The following SPTA1 variants were observed in gnomAD, a reference collection of about 807,000 sequenced individuals.
SPTA1 encodes the protein spectrin alpha chain, erythrocytic 1.
In SPTA1, 177 loss-of-function variants were observed where a neutral mutation model predicts 324.7. The observed-to-expected ratio is 0.55, with a 90% confidence interval of 0.48 to 0.62. The LOEUF (loss-of-function observed/expected upper bound fraction) is 0.62, where lower values mean the gene tolerates loss of function less well. Ranked by LOEUF, SPTA1 falls within the 20% of genes least tolerant of loss-of-function variation. The pLI is 0.00. For missense variants in SPTA1, 3,162 were observed against 2,883.6 expected (o/e 1.10, Z -2.21); for synonymous variants, 1,195 against 1,041.3 (o/e 1.15, Z -2.84).
chr1:158,674,270 G>A, intron 10 of SPTA1, 59 bp downstream of exon 10: 1 of 1,442,996 alleles, frequency 6.9e-7, no homozygotes, highest in South Asian at 1.1e-5. Flanking sequence ...ATTATTGTGA[G>A]ATTATGTAAT....
intron 35 of SPTA1, chr1:158,639,326 A>G: frequency 1.9e-6 from 1 of 514,650 alleles, no homozygotes; most frequent in Non-Finnish European, 3.5e-6. Flanking sequence ...ATGCATCAGT[A>G]AAAGATAAAA....
intron 43 of SPTA1, chr1:158,620,717 G>A: frequency 2.4e-6 from 1 of 413,274 alleles, no homozygotes; most frequent in Non-Finnish European, 4.3e-6. Context: ...AAATGAGGGA[G>A]GTCGAATTAT....
chr1:158,632,021 T>C (rs978080367), intron 39 of SPTA1, among the ~76,000 whole-genome samples: 2 of 152,150 alleles, frequency 1.3e-5, no homozygotes, highest in African/African-American at 2.4e-5. Flanking sequence ...TTATTAACAA[T>C]AGCCAAGATA....
intron 51 of SPTA1, 36 bp from the exon 52 acceptor site, chr1:158,611,425 G>A (rs1356226855): frequency 2.5e-6 from 4 of 1,611,836 alleles, no homozygotes; most frequent in African/African-American, 1.3e-5. Flanking sequence ...ACAGTTATAG[G>A]GATTCAAAAT....
chr1:158,656,345 A>G (rs1412610876), intron 20 of SPTA1, among the ~76,000 whole-genome samples: 1 of 152,244 alleles, frequency 6.6e-6, no homozygotes, highest in African/African-American at 2.4e-5. Context: ...AAATACATCA[A>G]TGAAGACATG....
chr1:158,612,283 A>G (rs143816928), intron 51 of SPTA1: 27 of 181,762 alleles, frequency 1.5e-4, no homozygotes, highest in Admixed American at 1.2e-3. Context: ...TGTGTTAATC[A>G]TAGATGATAC....
At chr1:158,666,219 G>GCAA (rs1170045225) in intron 16 of SPTA1, 97 bp downstream of exon 16, 3 of 1,195,248 alleles carry the variant, frequency 2.5e-6, no homozygotes, top group African/African-American at 3.0e-5. Context: ...TACTTATTAA[G>GCAA]TAATTAATAA....
intron 40 of SPTA1, 68 bp downstream of exon 40, chr1:158,627,557 A>G: frequency 1.4e-6 from 2 of 1,444,344 alleles, no homozygotes; most frequent in Non-Finnish European, 1.9e-6. Flanking sequence ...TGATCTTAGC[A>G]TTTCTACATT....
At chr1:158,659,595 A>ATTATTTTTTTTTTTTTTT (rs1345384278) in intron 18 of SPTA1, among the ~76,000 whole-genome samples, 10 of 68,780 alleles carry the variant, frequency 1.5e-4, no homozygotes, top group Non-Finnish European at 3.3e-4. Context: ...TCTTAGCATT[A>ATTATTTTTTTTTTTTTTT]TTTTTTTTTT....
intron 4 of SPTA1, among the ~76,000 whole-genome samples, chr1:158,681,319 A>G (rs1654792018): frequency 1.3e-5 from 2 of 152,054 alleles, no homozygotes; most frequent in South Asian, 4.1e-4. Context: ...CCTTTTTCAT[A>G]TTCAGATCCA....
At chr1:158,619,666 C>T (rs1649785961) in intron 44 of SPTA1, among the ~76,000 whole-genome samples, 1 of 152,094 alleles carries the variant, frequency 6.6e-6, no homozygotes, top group South Asian at 2.1e-4. Flanking sequence ...CTTAAAGGGC[C>T]TGCTACCCTT....
intron 2 of SPTA1, 123 bp from the exon 3 acceptor site, chr1:158,683,619 T>C: frequency 7.8e-7 from 1 of 1,274,640 alleles, no homozygotes; most frequent in Non-Finnish European, 1.1e-6. Context: ...CCATAAAGAG[T>C]ATTTTCCTGT....
At position 158,653,323 on chromosome 1, in the gene SPTA1, G is replaced by C. The variant is rs762088983; in HGVS notation, c.3139C>G (p.Arg1047Gly). ...TGGGTGATGTTTCCTGGCTCTTCTC[G>C]TCGCCGCTGTGGGAGCATCGGGAAC... Reference protein sequence around the residue: ...DEFPMLPQRRREEPGNITQRQ... With the variant: ...DEFPMLPQRRGEEPGNITQRQ... The change falls in exon 22 of 52, where the codon CGA becomes GGA. Residue 1047 changes from arginine (R) to glycine (G), a missense_variant. Arg to Gly is a moderately radical substitution (Grantham distance 125). Transcript: ENST00000643759. 3.7e-5 allele frequency: 60 copies of C among 1,613,886 alleles called. No homozygotes were observed. Among genetic ancestry groups the C allele is most frequent in the Non-Finnish European group, 4.9e-5 (58 of 1,180,008 alleles).
intron 12 of SPTA1, among the ~76,000 whole-genome samples, chr1:158,670,187 T>C (rs906115103): frequency 2.6e-5 from 4 of 152,178 alleles, no homozygotes; most frequent in Admixed American, 2.0e-4. Context: ...TCTACCTCTA[T>C]CTCTATCTCC....
chr1:158,660,627 G>T (rs1653145005), intron 18 of SPTA1, among the ~76,000 whole-genome samples: 1 of 152,164 alleles, frequency 6.6e-6, no homozygotes, highest in Non-Finnish European at 1.5e-5. Flanking sequence ...GAATCACTCA[G>T]GTGGGATCTG....
chr1:158,633,339 G>C (rs1440502650), intron 39 of SPTA1, among the ~76,000 whole-genome samples: 1 of 152,106 alleles, frequency 6.6e-6, no homozygotes, highest in African/African-American at 2.4e-5. Flanking sequence ...ATCTGTCTGT[G>C]TTATTTCTTA....
chr1:158,685,354 G>A lies in SPTA1; in HGVS notation c.25-7C>T, dbSNP rs1236654583. ...GCCCACTGCTCTCCACAACCTGCAA[G>A]TTAAAAAGATTCTGTTACTTGCTAG... On this transcript the variant is annotated splice_polypyrimidine_tract_variant and splice_region_variant and intron_variant, in intron 1 of 51. Coordinates refer to ENST00000643759, the MANE Select transcript of SPTA1 (RefSeq NM_003126.4). The A allele has an allele frequency of 6.2e-7, 1 of 1,612,466 alleles. No individual in the cohort carries two copies. The highest frequency in any genetic ancestry group is 8.5e-7 in the Non-Finnish European group (1 of 1,179,716).
At position 158,652,607 on chromosome 1, in the gene SPTA1, A is replaced by G. The variant is rs546724293; in HGVS notation, c.3235T>C (p.Leu1079=). 1.2e-6 allele frequency: 2 copies of G among 1,614,130 alleles called. No individual in the cohort carries two copies. The highest frequency in any genetic ancestry group is 2.2e-5 in the East Asian group (1 of 44,858). The part of the protein sequence containing the change: ...DRAEERRRRL[L]QRYNEFLLAY... ...AATAAAAATTCATTATAACGTTGCA[A>G]TAGACGACGTCTGCGTTCTTCTGCC... The change falls in exon 23 of 52, where the codon TTG becomes CTG. Residue 1079 remains leucine (L), a synonymous_variant. Coordinates refer to ENST00000643759, the MANE Select transcript of SPTA1 (RefSeq NM_003126.4).
At position 158,642,667 on chromosome 1, in the gene SPTA1, A is replaced by T. The variant is rs938992695; in HGVS notation, c.4606-125T>A. The T allele has an allele frequency of 7.7e-6, 12 of 1,565,568 alleles. No individual in the cohort carries two copies. In the Admixed American group the frequency reaches 1.5e-4, roughly 20 times the overall value. On this transcript the variant is annotated intron_variant, in intron 32 of 51. Coordinates refer to ENST00000643759, the MANE Select transcript of SPTA1 (RefSeq NM_003126.4). ...ACTGAGGTGACGGTGACTTCTGAAG[A>T]ACCTGCTCCACATCAGACTCTGAAG...
Sources: gnomAD v4.1 joint callset for allele counts (sites outside exome capture counted in the v4.1 genomes callset) on GRCh38, gnomAD v4.1.1 for gene constraint, MANE v1.5 for transcripts, NCBI Gene and HGNC (gene_info 2026-07-23, HGNC 2026-07-21) for gene names.